The following ARID4B variants were observed in gnomAD, a reference collection of about 807,000 sequenced individuals.
ARID4B encodes AT-rich interaction domain 4B.
Under a neutral mutation model 147.5 loss-of-function variants are expected in ARID4B, and 26 were observed. The ratio of observed to expected loss-of-function variants is 0.18; its 90% CI spans 0.13 to 0.24. The LOEUF is 0.24. Ranked by LOEUF, ARID4B falls within the 10% of genes least tolerant of loss-of-function variation. The probability of loss-of-function intolerance (pLI) is 1.00; values close to 1 mark genes in which losing one functional copy is unlikely to be tolerated. For missense variants in ARID4B, 1,179 were observed against 1,511.5 expected (o/e 0.78, Z 3.65); for synonymous variants, 512 against 507.9 (o/e 1.01, Z -0.11).
rs566644577 is a variant in ARID4B, at chr1:235,182,302, T to C, written c.2617A>G (p.Met873Val). The change falls in exon 20 of 24, where the codon ATG becomes GTG. Residue 873 changes from methionine to valine, a missense_variant. This residue lies in a region of ARID4B where 321 missense variants were observed against 342.4 expected (regional missense o/e 0.94). Coordinates refer to ENST00000264183, the MANE Select transcript of ARID4B (RefSeq NM_016374.6). ...CCATTGTATTTCTTAGTTGGTGTCA[T>C]CTTTGCTTTTGTTTCTTCTTCATCT... Reference protein sequence around the residue: ...DEDEEETKAKMTPTKKYNGLE... With the variant: ...DEDEEETKAKVTPTKKYNGLE... 8 of 1,614,032 alleles carry C rather than the reference T, an allele frequency of 5.0e-6. No homozygotes were observed. In the Admixed American group the frequency reaches 1.3e-4, roughly 27 times the overall value.
At chr1:235,312,664 A>C (rs80108564) in intron 2 of ARID4B, among the ~76,000 whole-genome samples, 2,133 of 152,262 alleles carry the variant, frequency 0.014, 27 homozygotes, top group Non-Finnish European at 0.019. Context: ...TTAGCAAAGA[A>C]TATTCAGATT....
rs751976832 is a variant in ARID4B, at chr1:235,182,253, A to G, written c.2666T>C (p.Leu889Pro). The change falls in exon 20 of 24, where the codon CTA becomes CCA. Residue 889 changes from leucine to proline, a missense_variant. Coordinates refer to ENST00000264183, the MANE Select transcript of ARID4B (RefSeq NM_016374.6). Reference protein sequence around the residue: ...YNGLEEKRKSLRTTGFYSGFS... With the variant: ...YNGLEEKRKSPRTTGFYSGFS... ...TCCTGAATAGAAACCAGTTGTCCGT[A>G]GAGATTTTCTTTTTTCCTCCAAACC... is the stretch of plus-strand genomic sequence containing the variant. 5 of 1,612,786 alleles carry G rather than the reference A, an allele frequency of 3.1e-6. No homozygotes were observed. The African/African-American group carries it at 6.7e-5, about 22-fold the overall frequency.
At chr1:235,222,313 G>T (rs1572014382) in intron 13 of ARID4B, among the ~76,000 whole-genome samples, 1 of 152,020 alleles carries the variant, frequency 6.6e-6, no homozygotes, top group African/African-American at 2.4e-5. Flanking sequence ...ATTTTTAAAG[G>T]ATTTATTATT....
chr1:235,183,210 T>TAAA (rs1664437396), intron 19 of ARID4B, among the ~76,000 whole-genome samples: 1 of 151,944 alleles, frequency 6.6e-6, no homozygotes, highest in South Asian at 2.1e-4. Context: ...TCCAAGTTAA[T>TAAA]ATTCTTCTTT....
In ARID4B at chr1:235,167,340, TTGAA is replaced by T. The variant is rs1278040239; in HGVS notation, c.*1181_*1184del. The T allele has an allele frequency of 4.5e-6, 1 of 221,130 alleles. No homozygotes were observed. The highest frequency in any genetic ancestry group is 5.8e-5 in the Admixed American group (1 of 17,358). The allele number at this position is 221,130 out of a possible 1,614,324, so 13.7% of individuals were successfully genotyped here. A position where few individuals can be genotyped will look rare whatever the true frequency, so the allele number is the denominator to read the frequency against. On this transcript the variant is annotated 3_prime_UTR_variant, in exon 24 of 24. Transcript: ENST00000264183. The stretch of plus-strand genomic sequence containing the variant: ...TTAACAGTGCCAGATATTAAATAGC[TTGAA>T]TGAACACATCCACAATATACAAATG...
chr1:235,271,079 C>T (rs996460360), intron 2 of ARID4B, among the ~76,000 whole-genome samples: 7 of 152,050 alleles, frequency 4.6e-5, no homozygotes, highest in African/African-American at 1.7e-4. Context: ...CTTAAAATCC[C>T]TACTGGGCCA....
intron 6 of ARID4B, among the ~76,000 whole-genome samples, chr1:235,250,826 C>T (rs1343257779): frequency 1.3e-5 from 2 of 152,160 alleles, no homozygotes; most frequent in Non-Finnish European, 2.9e-5. Context: ...TTACCTTCAG[C>T]ATTTAACTTA....
At chr1:235,190,862 G>C (rs1436856070) in intron 19 of ARID4B, among the ~76,000 whole-genome samples, 1 of 152,128 alleles carries the variant, frequency 6.6e-6, no homozygotes, top group Non-Finnish European at 1.5e-5. Context: ...AAATAGCTGT[G>C]CAACAGATAT....
At chr1:235,222,458 C>T (rs1005996771) in intron 13 of ARID4B, among the ~76,000 whole-genome samples, 7 of 152,046 alleles carry the variant, frequency 4.6e-5, no homozygotes, top group Admixed American at 3.9e-4. Flanking sequence ...ATCAGTTCAA[C>T]AAACATTTCC....
rs569600319 is a variant in ARID4B at position 235,186,528 on chromosome 1, G to A, written c.2126-3735C>T. 2.1e-4 allele frequency among the ~76,000 whole-genome samples: 32 copies of A among 150,378 alleles called. No homozygotes were observed. In the South Asian group the frequency reaches 5.1e-3, roughly 24 times the overall value. On this transcript the variant is annotated intron_variant, in intron 19 of 23. Coordinates refer to ENST00000264183, the MANE Select transcript of ARID4B (RefSeq NM_016374.6). ...CGGGTTCAGGCAATTCTCCTGTCTC[G>A]GCCTCCCCAATAGCTGGGACTACAG...
chr1:235,267,055 ATTGT>A (rs1670651069), intron 2 of ARID4B, among the ~76,000 whole-genome samples: 1 of 152,212 alleles, frequency 6.6e-6, no homozygotes, highest in Non-Finnish European at 1.5e-5. Context: ...AGGTGTGTAG[ATTGT>A]TTGAGCTCAG....
chr1:235,301,840 A>G (rs1028405091), intron 2 of ARID4B, among the ~76,000 whole-genome samples: 10 of 151,492 alleles, frequency 6.6e-5, no homozygotes, highest in African/African-American at 2.4e-4. Flanking sequence ...TCAGCCTCCC[A>G]AGTAACTGGG....
chr1:235,173,458 T>C (rs1663516733), intron 22 of ARID4B, among the ~76,000 whole-genome samples: 1 of 152,036 alleles, frequency 6.6e-6, no homozygotes. Context: ...TCTCTTCTGT[T>C]CTCTGTTATT....
intron 2 of ARID4B, among the ~76,000 whole-genome samples, chr1:235,321,162 T>C (rs901668872): frequency 2.0e-5 from 3 of 152,198 alleles, no homozygotes; most frequent in Non-Finnish European, 4.4e-5. Context: ...TTCAGTGACA[T>C]AGGTACTCAC....
rs1339637656 is a variant in ARID4B, at chr1:235,182,435, G to A, written c.2484C>T (p.Cys828=). ...CAGTTTTTAGACACTCTTCTGTATT[G>A]CAATACCTTCTTTTACCACGTTTTA... is the stretch of plus-strand genomic sequence containing the variant. ...PQIKRGKRRY[C]NTEECLKTGS... is the part of the protein sequence containing the mutation. Residue 828 remains cysteine, a synonymous_variant, in exon 20 of 24, where the codon TGC becomes TGT. Transcript: ENST00000264183. The A allele has an allele frequency of 1.1e-5, 17 of 1,611,692 alleles. No individual in the cohort carries two copies. Among genetic ancestry groups the A allele is most frequent in the Non-Finnish European group, 1.4e-5 (17 of 1,179,520 alleles).
chr1:235,215,524 T>C (rs1667001773), intron 16 of ARID4B, among the ~76,000 whole-genome samples: 1 of 150,030 alleles, frequency 6.7e-6, no homozygotes, highest in East Asian at 1.9e-4. Context: ...TATATACATA[T>C]ATTACACCAT....
rs1476931463 is a variant in ARID4B, at chr1:235,181,701, C to A, written c.3218G>T (p.Ser1073Ile). The A allele has an allele frequency of 6.2e-7, 1 of 1,614,208 alleles. No homozygotes were observed. Among genetic ancestry groups the A allele is most frequent in the Non-Finnish European group, 8.5e-7 (1 of 1,180,028 alleles). The stretch of plus-strand genomic sequence containing the variant: ...GAGGTCTTGGAGCTCCCCAGCAACA[C>A]TATCCACCTCAATTGTGCTATCAGT... ...SETDSTIEVDSVAGELQDLQS... is the reference protein window; with the variant it reads ...SETDSTIEVDIVAGELQDLQS... Residue 1073 changes from serine (S) to isoleucine (I), a missense_variant, in exon 20 of 24, where the codon AGT (serine) becomes ATT (isoleucine). Ser to Ile is a moderately radical substitution (Grantham distance 142). Coordinates refer to ENST00000264183, the MANE Select transcript of ARID4B (RefSeq NM_016374.6).
chr1:235,196,031 CT>C lies in ARID4B; in HGVS notation c.1925del (p.Lys642ArgfsTer4). ...VPKIKHRKKI[K>X]NKLDKEKDKD... ...GTGTGTAGTAAAAACAAGCACTTAC[CT>C]TTATTTTCTTCCGATGTTTTATCTT... On this transcript the variant is annotated frameshift_variant and splice_region_variant, in exon 18 of 24. Coordinates refer to ENST00000264183, the MANE Select transcript of ARID4B (RefSeq NM_016374.6). LOFTEE classifies it high-confidence loss of function. The C allele has an allele frequency of 6.3e-7, 1 of 1,587,964 alleles. No individual in the cohort carries two copies.
At chr1:235,222,677 T>A (rs1012873622) in intron 13 of ARID4B, among the ~76,000 whole-genome samples, 2 of 119,780 alleles carry the variant, frequency 1.7e-5, no homozygotes, top group Non-Finnish European at 3.6e-5. Context: ...TGAAAAAAAA[T>A]CTTTTTTTTT....
Sources: gnomAD v4.1 joint callset for allele counts (sites outside exome capture counted in the v4.1 genomes callset) on GRCh38, gnomAD v4.1.1 for gene constraint, gnomAD v4.1.1 regional missense constraint, MANE v1.5 for transcripts, NCBI Gene and HGNC (gene_info 2026-07-23, HGNC 2026-07-21) for gene names.